The following EOLA1 variants were observed in gnomAD, a reference collection of about 807,000 sequenced individuals.
EOLA1 encodes the protein endothelium and lymphocyte associated ASCH domain 1.
In EOLA1, 1 loss-of-function variant was observed where a neutral mutation model predicts 4.5. The ratio of observed to expected loss-of-function variants is 0.22; its 90% CI spans 0.08 to 1.05. The LOEUF is 1.05. Ranked by LOEUF, EOLA1 falls within the 50% of genes least tolerant of loss-of-function variation. The pLI is 0.57. For missense variants in EOLA1, 69 were observed against 127.2 expected (o/e 0.54, Z 2.20); for synonymous variants, 37 against 52.3 (o/e 0.71, Z 1.26).
At chrX:149,544,845 G>A (rs782387706) in intron 2 of EOLA1, 26 of 751,915 alleles carry the variant, frequency 3.5e-5, no homozygotes, top group South Asian at 6.8e-5. Context: ...TTGATGATCC[G>A]AGGATCATGC....
downstream of EOLA1, chrX:149,549,448 C>T: frequency 3.4e-6 from 4 of 1,165,451 alleles, no homozygotes; most frequent in South Asian, 1.9e-5. Flanking sequence ...GAATGAAACT[C>T]GTCAAGCTGT....
rs782295406 is a variant in EOLA1 at position 149,546,744 on chromosome X, G to A, written c.259G>A (p.Val87Ile). Residue 87 changes from valine (V) to isoleucine (I), a missense_variant, in exon 5 of 5, where the codon GTT becomes ATT. Coordinates refer to ENST00000393985, the MANE Select transcript of EOLA1 (RefSeq NM_001171907.3). Reference sequence around the variant, plus strand: ...GTATCTCTCTTTGTGTACAGGACTCGTTGACATTGGGGAAACTTTGCAATG... The same window carrying A: ...GTATCTCTCTTTGTGTACAGGACTCATTGACATTGGGGAAACTTTGCAATG... ...KFGRGVIAGLVDIGETLQCPE... is the reference protein window; with the variant it reads ...KFGRGVIAGLIDIGETLQCPE... 1.8e-5 allele frequency: 22 copies of A among 1,195,537 alleles called. No homozygotes were observed. Among genetic ancestry groups the A allele is most frequent in the Middle Eastern group, 4.6e-4 (2 of 4,332 alleles).
Position 149,545,382 on chromosome X carries a change from C to T in EOLA1, c.-148C>T, listed in dbSNP as rs1427105091. ...CCTTCCTCTAGCTGTCCCCGCCCTACTCCGGACCGCCCCAAAGACTCCATG... is the reference window on the plus strand; with the variant it reads ...CCTTCCTCTAGCTGTCCCCGCCCTATTCCGGACCGCCCCAAAGACTCCATG... On this transcript the variant is annotated 5_prime_UTR_variant, in exon 3 of 5. Coordinates refer to ENST00000393985, the MANE Select transcript of EOLA1 (RefSeq NM_001171907.3). 5.6e-6 allele frequency: 6 copies of T among 1,066,667 alleles called. No individual in the cohort carries two copies. The highest frequency in any genetic ancestry group is 4.0e-5 in the Admixed American group (1 of 25,266). 87.9% of individuals were successfully genotyped at this position (1,066,667 alleles called of 1,213,427 possible).
At chrX:149,544,472 G>T in intron 2 of EOLA1, 1 of 743,724 alleles carries the variant, frequency 1.3e-6, no homozygotes, top group Non-Finnish European at 1.6e-6. Context: ...GCCGGGGGCG[G>T]GGCCACGGGC....
chrX:149,544,691 C>T (rs1557347167), intron 2 of EOLA1: 1 of 751,294 alleles, frequency 1.3e-6, no homozygotes, highest in Non-Finnish European at 1.6e-6. Flanking sequence ...AGGGGACCCT[C>T]TCCCAAGCCA....
downstream of EOLA1, chrX:149,548,464 G>A (rs1175140157): frequency 1.1e-6 from 1 of 931,106 alleles, no homozygotes; most frequent in Admixed American, 5.9e-5. Context: ...CATAGTAACA[G>A]ATATTGTACA....
chrX:149,545,608 G>A lies in EOLA1; in HGVS notation c.-23G>A, dbSNP rs202158993. The A allele has an allele frequency of 3.6e-4, 436 of 1,199,377 alleles. No homozygotes were observed. Among genetic ancestry groups the A allele is most frequent in the Non-Finnish European group, 4.8e-4 (426 of 886,730 alleles). On this transcript the variant is annotated 5_prime_UTR_variant, in exon 4 of 5. Transcript: ENST00000393985. ...CGCTTCTGTGCTTCCGCAGGCTACG[G>A]GAGGCCCGGGGCGCTTGCGAAGATG... is the stretch of plus-strand genomic sequence containing the variant.
At position 149,545,102 on chromosome X, in the gene EOLA1, A is replaced by G. The variant is rs782676569; in HGVS notation, c.-162-266A>G. 8.9e-4 allele frequency: 554 copies of G among 624,944 alleles called. 2 individuals carry two copies. In the African/African-American group the frequency reaches 0.014, roughly 15 times the overall value. 51.5% of individuals were successfully genotyped at this position (624,944 alleles called of 1,213,427 possible). On this transcript the variant is annotated intron_variant, in intron 2 of 4. Transcript: ENST00000393985. ...GATTGGATATCAACGATGTGGGCTC[A>G]GCAGCCCTGGAGTAGGAGCTGGGAA...
At chrX:149,541,911 C>T in intron 1 of EOLA1, 108 bp from the exon 2 acceptor site, 13 of 623,301 alleles carry the variant, frequency 2.1e-5, no homozygotes, top group Non-Finnish European at 2.5e-5. Context: ...CCTCCCAGCT[C>T]TTCTTGGTTT....
intron 2 of EOLA1, among the ~76,000 whole-genome samples, chrX:149,543,354 AG>A: frequency 1.1e-5 from 1 of 91,355 alleles, no homozygotes. Context: ...GTGCCCTGAG[AG>A]GAAGTGTGGA....
At chrX:149,544,844 C>T (rs6641330) in intron 2 of EOLA1, 37 of 752,180 alleles carry the variant, frequency 4.9e-5, no homozygotes, top group South Asian at 3.4e-4. Flanking sequence ...TTTGATGATC[C>T]GAGGATCATG....
chrX:149,546,391 C>T (rs2089846200), intron 4 of EOLA1, among the ~76,000 whole-genome samples: 1 of 106,918 alleles, frequency 9.4e-6, no homozygotes, highest in Admixed American at 1.0e-4. Flanking sequence ...TGGTGACCTG[C>T]TCAGGCATCA....
At chrX:149,545,081 G>C (rs2089812712) in intron 2 of EOLA1, 1 of 677,738 alleles carries the variant, frequency 1.5e-6, no homozygotes, top group Non-Finnish European at 1.7e-6. Context: ...AGCTGAGATT[G>C]GATATCAACG....
intron 4 of EOLA1, 63 bp downstream of exon 4, chrX:149,545,946 G>C (rs1251679279): frequency 6.6e-5 from 72 of 1,087,239 alleles, no homozygotes; most frequent in Non-Finnish European, 8.4e-5. Context: ...ATCTTGCTTG[G>C]GAATTTGGGG....
chrX:149,544,632 C>T (rs1361656673), intron 2 of EOLA1: 18 of 751,378 alleles, frequency 2.4e-5, no homozygotes, highest in Admixed American at 8.7e-5. Flanking sequence ...GTTCTGGTTT[C>T]GAGCCCAGGG....
intron 1 of EOLA1, chrX:149,541,666 G>A: frequency 6.5e-6 from 3 of 460,944 alleles, no homozygotes; most frequent in Non-Finnish European, 8.1e-6. Flanking sequence ...AGGACAATGG[G>A]ATTTAGAGTC....
At chrX:149,543,500 T>C (rs1191389665) in intron 2 of EOLA1, among the ~76,000 whole-genome samples, 1 of 30,416 alleles carries the variant, frequency 3.3e-5, no homozygotes, top group Non-Finnish European at 6.1e-5. Context: ...TGGGGGGGGG[T>C]GGGGGTGCTA....
At chrX:149,541,008 A>C (rs1376681413), upstream of EOLA1, 1 of 113,010 alleles carries the variant, frequency 8.8e-6, no homozygotes, top group East Asian at 2.8e-4. Context: ...AGCTGTATGA[A>C]AGCGGAAGAG....
intron 2 of EOLA1, 126 bp from the exon 3 acceptor site, chrX:149,545,242 A>G: frequency 1.4e-6 from 1 of 716,467 alleles, no homozygotes; most frequent in Non-Finnish European, 1.7e-6. Flanking sequence ...GAAGAGGGCT[A>G]ACACCAGCCC....
Sources: allele counts gnomAD v4.1 joint callset (sites outside exome capture counted in the v4.1 genomes callset), GRCh38; gene constraint gnomAD v4.1.1; transcripts MANE v1.5; gene names NCBI Gene and HGNC (gene_info 2026-07-23, HGNC 2026-07-21).